PIK3R6: variants seen among roughly 807,000 people sequenced by gnomAD.
PIK3R6 encodes the protein phosphoinositide 3-kinase regulatory subunit 6.
In PIK3R6, 91 loss-of-function variants were observed where a neutral mutation model predicts 84.9. That is an observed-to-expected ratio of 1.07 (90% CI 0.90 to 1.28). The LOEUF is 1.28. Ranked by LOEUF, PIK3R6 falls within the 50% of genes most tolerant of loss-of-function variation. The pLI is 0.00. For missense variants in PIK3R6, 996 were observed against 985.1 expected (o/e 1.01, Z -0.15); for synonymous variants, 416 against 411.4 (o/e 1.01, Z -0.13).
chr17:8,829,256 TAC>T (rs200634837), intron 10 of PIK3R6, among the ~76,000 whole-genome samples: 3,858 of 148,362 alleles, frequency 0.026, 113 homozygotes, highest in African/African-American at 0.073. Context: ...CATGCACGCA[TAC>T]ACACACAGAC....
At chr17:8,805,158 T>C (rs1597371291) in intron 18 of PIK3R6, among the ~76,000 whole-genome samples, 2 of 152,148 alleles carry the variant, frequency 1.3e-5, no homozygotes, top group South Asian at 4.1e-4. Flanking sequence ...GGTAAGAGCA[T>C]AGTCTCTAAG....
chr17:8,841,501 C>G (rs2088675074), intron 2 of PIK3R6, among the ~76,000 whole-genome samples: 1 of 152,168 alleles, frequency 6.6e-6, no homozygotes, highest in South Asian at 2.1e-4. Flanking sequence ...ATGTCCCGAC[C>G]CTTGATGTCT....
At chr17:8,829,649 TAC>T in intron 10 of PIK3R6, 55 bp downstream of exon 10, 21 of 1,491,186 alleles carry the variant, frequency 1.4e-5, no homozygotes, top group South Asian at 2.4e-5. Context: ...CATGCACGCA[TAC>T]ACACACAGAC....
intron 2 of PIK3R6, among the ~76,000 whole-genome samples, chr17:8,840,987 C>T (rs547391143): frequency 1.3e-5 from 2 of 152,106 alleles, no homozygotes; most frequent in African/African-American, 4.8e-5. Flanking sequence ...CTCCTGACCT[C>T]GTGATCTGCC....
At position 8,839,597 on chromosome 17, in the gene PIK3R6, T is replaced by C. The variant is rs773527400; in HGVS notation, c.97+17A>G. ...GGAGGTCAGAGGGACCAGCTGCTGC[T>C]GCCAGCTGGCTCTTACCTTGGTTGC... On this transcript the variant is annotated intron_variant, in intron 3 of 19. Transcript: ENST00000619866. This position sits in a 1 kb window ranked among gnomAD's most constrained non-coding sequence, Gnocchi z 4.2. 5.9e-5 allele frequency: 91 copies of C among 1,554,144 alleles called. No individual in the cohort carries two copies. The East Asian group carries it at 1.8e-3, about 30-fold the overall frequency.
chr17:8,867,435 C>T (rs1026159201), intron 1 of PIK3R6, 94 bp downstream of exon 1: 2 of 190,016 alleles, frequency 1.1e-5, no homozygotes, highest in African/African-American at 4.7e-5. Context: ...TCAGCCCCCC[C>T]AGGGGCTCCC....
chr17:8,865,472 C>T (rs2089385326), intron 1 of PIK3R6, among the ~76,000 whole-genome samples: 1 of 152,238 alleles, frequency 6.6e-6, no homozygotes, highest in South Asian at 2.1e-4. Context: ...CCTCCAGCCA[C>T]TCCTGTGGCA....
At chr17:8,835,200 A>C (rs1408782794) in intron 8 of PIK3R6, 73 bp downstream of exon 8, 1 of 1,311,788 alleles carries the variant, frequency 7.6e-7, no homozygotes, top group Non-Finnish European at 1.0e-6. Context: ...GAGGAAGAGC[A>C]GGGTGAATGA....
At chr17:8,855,228 C>CAAAACAA (rs1291749179) in intron 1 of PIK3R6, among the ~76,000 whole-genome samples, 5 of 148,298 alleles carry the variant, frequency 3.4e-5, no homozygotes, top group African/African-American at 1.3e-4. Flanking sequence ...CAAAACAAAA[C>CAAAACAA]AACAATAAAA....
At position 8,828,126 on chromosome 17, in the gene PIK3R6, C is replaced by CGGGGAT; in HGVS notation, c.1372_1377dup (p.Ile458_Pro459dup). On this transcript the variant is annotated inframe_insertion, in exon 12 of 20. Transcript: ENST00000619866. ...GGTCCAGTCACCTCAGGCGCCAGCA[C>CGGGGAT]GGGGATGTAGTAGAGCTGCAGGCTG... 6.2e-7 allele frequency: 1 copy of CGGGGAT among 1,613,928 alleles called. No individual in the cohort carries two copies. Among genetic ancestry groups the CGGGGAT allele is most frequent in the South Asian group, 1.1e-5 (1 of 91,088 alleles).
intron 2 of PIK3R6, among the ~76,000 whole-genome samples, chr17:8,846,814 T>G (rs1190941138): frequency 6.6e-6 from 1 of 152,124 alleles, no homozygotes; most frequent in Admixed American, 6.6e-5. Context: ...AAGACTACAT[T>G]TCCCAAACTC....
intron 18 of PIK3R6, among the ~76,000 whole-genome samples, chr17:8,805,815 G>A (rs989219824): frequency 5.3e-5 from 8 of 152,142 alleles, no homozygotes; most frequent in Non-Finnish European, 8.8e-5. Context: ...CTACCTGAGA[G>A]GCTGAGGCAG....
chr17:8,865,877 T>A (rs1270085531), intron 1 of PIK3R6, among the ~76,000 whole-genome samples: 2 of 17,234 alleles, frequency 1.2e-4, no homozygotes, highest in African/African-American at 2.6e-4. Context: ...GCCAGTGGGG[T>A]GGGGGTGGGG....
intron 3 of PIK3R6, among the ~76,000 whole-genome samples, chr17:8,838,930 C>A (rs776577113): frequency 6.6e-6 from 1 of 152,156 alleles, no homozygotes; most frequent in Non-Finnish European, 1.5e-5. Flanking sequence ...CAGGTGTATG[C>A]GTGTGGACCA....
rs2088696727 is a variant in PIK3R6, at chr17:8,842,115, G to T, written c.14-2418C>A. On this transcript the variant is annotated intron_variant, in intron 2 of 19. Coordinates refer to ENST00000619866, the MANE Select transcript of PIK3R6 (RefSeq NM_001010855.4). This position sits in a 1 kb window ranked among gnomAD's most constrained non-coding sequence, Gnocchi z 4.5. Reference sequence around the variant, plus strand: ...CAGGAGTGGAAGTTTCCTGAGCCCTGAGCCCCTTATCAGAAGCAGATGCTG... The same window carrying T: ...CAGGAGTGGAAGTTTCCTGAGCCCTTAGCCCCTTATCAGAAGCAGATGCTG... 6.6e-6 allele frequency among the ~76,000 whole-genome samples: 1 copy of T among 152,118 alleles called. No individual in the cohort carries two copies. Among genetic ancestry groups the T allele is most frequent in the Non-Finnish European group, 1.5e-5 (1 of 68,030 alleles).
chr17:8,858,213 A>G (rs1167301951), intron 1 of PIK3R6, among the ~76,000 whole-genome samples: 2 of 152,160 alleles, frequency 1.3e-5, no homozygotes, highest in Admixed American at 6.5e-5. Context: ...ATCAACATCA[A>G]ATGTGTCTTC....
In PIK3R6 at chr17:8,803,799, G is replaced by A. The variant is rs2087116111; in HGVS notation, c.2108+242C>T. 1 of 585,484 alleles carries A rather than the reference G, an allele frequency of 1.7e-6. No homozygotes were observed. Among genetic ancestry groups the A allele is most frequent in the South Asian group, 2.0e-5 (1 of 49,266 alleles). The allele number at this position is 585,484 out of a possible 1,614,324, so 36.3% of individuals were successfully genotyped here. ...GGCTGCAGGCTGAGTGTATGCAGAGGCATCTGGGGAAAATGCAATATCAGC... is the reference window on the plus strand; with the variant it reads ...GGCTGCAGGCTGAGTGTATGCAGAGACATCTGGGGAAAATGCAATATCAGC... On this transcript the variant is annotated intron_variant, in intron 19 of 19. Coordinates refer to ENST00000619866, the MANE Select transcript of PIK3R6 (RefSeq NM_001010855.4). The surrounding 1 kb of genome is among the most constrained non-coding windows in gnomAD (Gnocchi z 5.0).
intron 18 of PIK3R6, 27 bp from the exon 19 acceptor site, chr17:8,804,180 G>A (rs770469292): frequency 4.4e-6 from 7 of 1,589,154 alleles, no homozygotes; most frequent in Non-Finnish European, 6.0e-6. Flanking sequence ...GCACGTGTGA[G>A]TGTTGCCTTT....
Position 8,837,876 on chromosome 17 carries a change from A to G in PIK3R6, c.190-5T>C. On this transcript the variant is annotated splice_region_variant and splice_polypyrimidine_tract_variant and intron_variant, in intron 4 of 19. Coordinates refer to ENST00000619866, the MANE Select transcript of PIK3R6 (RefSeq NM_001010855.4). ...CCGGAGGTCCTGGCTTTCCGCCTGG[A>G]AAACAGGAGATCACGTGACAGGTAT... is the stretch of plus-strand genomic sequence containing the variant. 6.2e-7 allele frequency: 1 copy of G among 1,612,848 alleles called. No individual in the cohort carries two copies.
Sources: gnomAD v4.1 joint callset for allele counts (sites outside exome capture counted in the v4.1 genomes callset) on GRCh38, gnomAD v4.1.1 for gene constraint, Gnocchi (gnomAD v3.1) non-coding constraint, MANE v1.5 for transcripts, NCBI Gene and HGNC (gene_info 2026-07-23, HGNC 2026-07-21) for gene names.